The following GALNTL6 variants were observed in gnomAD, a reference collection of about 807,000 sequenced individuals.
The protein encoded by GALNTL6 is polypeptide N-acetylgalactosaminyltransferase-like 6.
Under a neutral mutation model 73.7 loss-of-function variants are expected in GALNTL6, and 46 were observed. The observed-to-expected ratio is 0.62, with a 90% CI of 0.49 to 0.80. GALNTL6 has a LOEUF of 0.80. GALNTL6 is among the 30% of genes least tolerant of loss of function. The probability of loss-of-function intolerance (pLI) is 0.00; values close to 1 mark genes in which losing one functional copy is unlikely to be tolerated. For synonymous variants in GALNTL6, 259 were observed against 263.7 expected (o/e 0.98, Z 0.17); for missense variants, 604 against 755.0 (o/e 0.80, Z 2.34).
intron 2 of GALNTL6, among the ~76,000 whole-genome samples, chr4:172,109,331 G>GA (rs1482061824): frequency 3.9e-5 from 6 of 152,114 alleles, no homozygotes; most frequent in Non-Finnish European, 7.3e-5. Context: ...GAGTGTATAT[G>GA]AAATGACAAC....
intron 2 of GALNTL6, among the ~76,000 whole-genome samples, chr4:171,909,782 G>T (rs1020581127): frequency 6.6e-6 from 1 of 152,044 alleles, no homozygotes; most frequent in African/African-American, 2.4e-5. Flanking sequence ...TTTTCTATTT[G>T]TTAAAAACCA....
intron 5 of GALNTL6, among the ~76,000 whole-genome samples, chr4:172,403,222 A>G (rs1744102070): frequency 6.6e-6 from 1 of 151,998 alleles, no homozygotes; most frequent in Admixed American, 6.6e-5. Context: ...CCTCAAAGCA[A>G]AGTGCATCAG....
chr4:172,163,840 A>G (rs559761605), intron 2 of GALNTL6, among the ~76,000 whole-genome samples: 1 of 152,144 alleles, frequency 6.6e-6, no homozygotes, highest in East Asian at 1.9e-4. Flanking sequence ...ACACACACAA[A>G]AACAAACAGA....
chr4:172,756,031 A>C (rs967141376), intron 5 of GALNTL6, among the ~76,000 whole-genome samples: 1 of 152,220 alleles, frequency 6.6e-6, no homozygotes, highest in Admixed American at 6.5e-5. Flanking sequence ...TTTAGCTGTC[A>C]ATGATTATTA....
At chr4:172,881,974 T>G (rs954280902) in intron 7 of GALNTL6, among the ~76,000 whole-genome samples, 1 of 151,272 alleles carries the variant, frequency 6.6e-6, no homozygotes, top group Admixed American at 6.6e-5. Context: ...TCGATCAAGG[T>G]AATTAGGTAT....
At chr4:172,453,961 A>G in intron 5 of GALNTL6, among the ~76,000 whole-genome samples, 1 of 152,228 alleles carries the variant, frequency 6.6e-6, no homozygotes, top group East Asian at 1.9e-4. Flanking sequence ...ATAGTAAACA[A>G]TACTATGAAG....
intron 5 of GALNTL6, among the ~76,000 whole-genome samples, chr4:172,574,970 A>C (rs1444528424): frequency 2.6e-5 from 4 of 151,986 alleles, no homozygotes; most frequent in Admixed American, 1.3e-4. Flanking sequence ...ACACACGATT[A>C]GAAAGTCTCC....
At chr4:172,572,132 T>C (rs866206626) in intron 5 of GALNTL6, among the ~76,000 whole-genome samples, 2 of 152,290 alleles carry the variant, frequency 1.3e-5, no homozygotes, top group Middle Eastern at 6.8e-3. Flanking sequence ...AATGCTGTTC[T>C]CTGCACACTC....
At chr4:172,472,737 TG>T (rs1224299083) in intron 5 of GALNTL6, among the ~76,000 whole-genome samples, 1 of 152,076 alleles carries the variant, frequency 6.6e-6, no homozygotes, top group Non-Finnish European at 1.5e-5. Context: ...AAAATTATGC[TG>T]ACACAAACCA....
chr4:172,918,617 A>G (rs1300236871), intron 8 of GALNTL6, among the ~76,000 whole-genome samples: 1 of 152,170 alleles, frequency 6.6e-6, no homozygotes, highest in African/African-American at 2.4e-5. Flanking sequence ...GTGGATATAC[A>G]TCAACCACCT....
At chr4:172,130,143 G>A (rs191543820) in intron 2 of GALNTL6, among the ~76,000 whole-genome samples, 9 of 151,140 alleles carry the variant, frequency 6.0e-5, no homozygotes, top group East Asian at 3.9e-4. Flanking sequence ...GTGCCAGTCA[G>A]GTTGGACAGG....
chr4:172,298,286 A>G (rs1388832942), intron 3 of GALNTL6, among the ~76,000 whole-genome samples: 1 of 152,214 alleles, frequency 6.6e-6, no homozygotes, highest in Admixed American at 6.5e-5. Context: ...ATATACAATC[A>G]TGTCATCTAC....
chr4:172,312,904 A>G (rs1740411500), intron 4 of GALNTL6, among the ~76,000 whole-genome samples: 1 of 152,080 alleles, frequency 6.6e-6, no homozygotes, highest in Admixed American at 6.6e-5. Context: ...TTTTTTTCCT[A>G]AATTGAGTGC....
At chr4:171,923,510 G>T (rs1191995390) in intron 2 of GALNTL6, among the ~76,000 whole-genome samples, 1 of 146,698 alleles carries the variant, frequency 6.8e-6, no homozygotes, top group Non-Finnish European at 1.5e-5. Context: ...CCATTCTGTT[G>T]TCTCAGCCTC....
At chr4:172,171,884 C>T (rs757826289) in intron 2 of GALNTL6, among the ~76,000 whole-genome samples, 1 of 152,102 alleles carries the variant, frequency 6.6e-6, no homozygotes, top group Admixed American at 6.6e-5. Context: ...ATTGGAAGTT[C>T]CTGCTCAGCC....
intron 5 of GALNTL6, among the ~76,000 whole-genome samples, chr4:172,619,334 A>C (rs1318511434): frequency 6.6e-6 from 1 of 152,150 alleles, no homozygotes; most frequent in Non-Finnish European, 1.5e-5. Context: ...GCAATACCAT[A>C]CTAGAAAACC....
intron 7 of GALNTL6, among the ~76,000 whole-genome samples, chr4:172,816,594 A>G (rs191418779): frequency 2.0e-5 from 3 of 152,362 alleles, no homozygotes; most frequent in Admixed American, 1.3e-4. Flanking sequence ...CAAAGTGGTC[A>G]TCATGTACCA....
At chr4:172,001,027 A>G (rs1339725730) in intron 2 of GALNTL6, among the ~76,000 whole-genome samples, 1 of 152,190 alleles carries the variant, frequency 6.6e-6, no homozygotes, top group African/African-American at 2.4e-5. Context: ...ACATTCTATC[A>G]GTCTGGTCAT....
chr4:172,372,876 A>T (rs937960498), intron 5 of GALNTL6, among the ~76,000 whole-genome samples: 6 of 152,172 alleles, frequency 3.9e-5, no homozygotes, highest in African/African-American at 9.7e-5. Context: ...TCTTAGGGCA[A>T]GGATAAGCCA....
Sources: allele counts gnomAD v4.1 joint callset (sites outside exome capture counted in the v4.1 genomes callset), GRCh38; gene constraint gnomAD v4.1.1; transcripts MANE v1.5; gene names NCBI Gene and HGNC (gene_info 2026-07-23, HGNC 2026-07-21).